Variants in DLGAP2 observed in about 807,000 individuals in gnomAD.
DLGAP2 encodes disks large-associated protein 2.
In DLGAP2, 26 loss-of-function variants were observed where a neutral mutation model predicts 100.3. That is an observed-to-expected ratio of 0.26 (90% CI 0.19 to 0.36). The LOEUF (loss-of-function observed/expected upper bound fraction) is 0.36. DLGAP2 is among the 10% of genes least tolerant of loss of function. DLGAP2 has a pLI of 1.00. For missense variants in DLGAP2, 1,858 were observed against 1,453.2 expected (o/e 1.28, Z -4.53); for synonymous variants, 886 against 630.1 (o/e 1.41, Z -6.08).
rs191754973 is a variant in DLGAP2 at position 1,431,228 on chromosome 8, C to T, written c.107-70138C>T. Among the ~76,000 whole-genome samples the T allele has an allele frequency of 3.3e-5, 5 of 152,280 alleles. No individual in the cohort carries two copies. In the East Asian group the frequency reaches 5.8e-4, roughly 18 times the overall value. ...CGTTAGCAAAAGTTACATTTTCTGT[C>T]AATCTGACACATCATTAGAATCATT... On this transcript the variant is annotated intron_variant, in intron 3 of 14. Transcript: ENST00000637795.
intron 5 of DLGAP2, among the ~76,000 whole-genome samples, chr8:1,552,852 A>G (rs995952499): frequency 2.6e-5 from 4 of 152,196 alleles, no homozygotes; most frequent in Non-Finnish European, 5.9e-5. Flanking sequence ...AAGTAGGTCA[A>G]AACGGAGAAT....
chr8:1,223,623 C>G (rs1254682887), intron 2 of DLGAP2, among the ~76,000 whole-genome samples: 5 of 152,194 alleles, frequency 3.3e-5, no homozygotes, highest in Admixed American at 6.5e-5. Context: ...GCCTTAAACA[C>G]TAGAGACATA....
rs916287739 is a variant in DLGAP2 at position 1,163,041 on chromosome 8, G to A, written c.74-95810G>A. ...GGTGTTTGGTGTAGGACTCCGAGGTGAGGCCCTGGAGTGTGAACGTGGAGT... is the reference window on the plus strand; with the variant it reads ...GGTGTTTGGTGTAGGACTCCGAGGTAAGGCCCTGGAGTGTGAACGTGGAGT... On this transcript the variant is annotated intron_variant, in intron 2 of 14. Coordinates refer to ENST00000637795, the MANE Select transcript of DLGAP2 (RefSeq NM_001346810.2). 2.0e-5 allele frequency among the ~76,000 whole-genome samples: 3 copies of A among 152,120 alleles called. No homozygotes were observed. In the East Asian group the frequency reaches 5.8e-4, roughly 29 times the overall value.
intron 2 of DLGAP2, among the ~76,000 whole-genome samples, chr8:1,232,681 G>T (rs557551672): frequency 3.9e-5 from 6 of 152,328 alleles, no homozygotes; most frequent in African/African-American, 1.4e-4. Flanking sequence ...CTGTAAAGTA[G>T]GCACCCTCCC....
intron 2 of DLGAP2, among the ~76,000 whole-genome samples, chr8:1,202,655 C>T (rs929633030): frequency 2.0e-5 from 3 of 152,128 alleles, no homozygotes; most frequent in Non-Finnish European, 4.4e-5. Flanking sequence ...CCAGGCAATG[C>T]CTCCTTCACC....
chr8:803,468 C>G (rs916722514), intron 1 of DLGAP2, among the ~76,000 whole-genome samples: 4 of 152,112 alleles, frequency 2.6e-5, no homozygotes, highest in African/African-American at 9.7e-5. Flanking sequence ...CACCTCTACT[C>G]TAGCTGCTCC....
chr8:747,486 C>G (rs1463663195), intron 1 of DLGAP2, among the ~76,000 whole-genome samples: 1 of 148,244 alleles, frequency 6.7e-6, no homozygotes, highest in Non-Finnish European at 1.5e-5. Flanking sequence ...AGGCCACGTT[C>G]CAGCCGAGGG....
intron 2 of DLGAP2, among the ~76,000 whole-genome samples, chr8:918,759 G>A (rs540654562): frequency 6.6e-6 from 1 of 152,332 alleles, no homozygotes; most frequent in South Asian, 2.1e-4. Flanking sequence ...TTTAGACATA[G>A]AGGCACGTAG....
chr8:756,653 C>T (rs1019899096), intron 1 of DLGAP2, among the ~76,000 whole-genome samples: 1 of 152,068 alleles, frequency 6.6e-6, no homozygotes, highest in Admixed American at 6.5e-5. Flanking sequence ...ATCGTCTGGT[C>T]AGGCCTCAGC....
intron 1 of DLGAP2, among the ~76,000 whole-genome samples, chr8:905,853 G>A (rs988150233): frequency 1.4e-4 from 19 of 132,472 alleles, no homozygotes; most frequent in African/African-American, 5.4e-4. Flanking sequence ...CATGTCTTGT[G>A]ACCTCTCGCG....
At position 1,311,531 on chromosome 8, in the gene DLGAP2, G is replaced by A. The variant is rs116254874; in HGVS notation, c.106+52648G>A. 8.9e-3 allele frequency among the ~76,000 whole-genome samples: 1,347 copies of A among 152,196 alleles called. 12 individuals are homozygous for A. Among genetic ancestry groups the A allele is most frequent in the African/African-American group, 0.031 (1,284 of 41,514 alleles). On this transcript the variant is annotated intron_variant, in intron 3 of 14. Transcript: ENST00000637795. ...AATGTAGATGCTAAAATTTTCCACA[G>A]AATACCAGCAAACTTAATCCAACAG...
chr8:1,626,360 C>T (rs1258740014), intron 6 of DLGAP2, among the ~76,000 whole-genome samples: 10 of 98,644 alleles, frequency 1.0e-4, no homozygotes, highest in African/African-American at 4.6e-4. Flanking sequence ...TACCCTGCAG[C>T]AGGTGCTCAG....
chr8:1,077,391 T>C (rs1803656087), intron 2 of DLGAP2, among the ~76,000 whole-genome samples: 2 of 152,330 alleles, frequency 1.3e-5, no homozygotes, highest in Admixed American at 6.5e-5. Flanking sequence ...AGTCCCATCA[T>C]ATCCGTGGTT....
intron 6 of DLGAP2, among the ~76,000 whole-genome samples, chr8:1,613,624 C>T (rs545441786): frequency 7.2e-5 from 11 of 152,032 alleles, no homozygotes; most frequent in South Asian, 2.1e-4. Flanking sequence ...AGGACAAGGG[C>T]GATGCCTTCA....
At position 997,408 on chromosome 8, in the gene DLGAP2, CAT is replaced by C. The variant is rs1251280275; in HGVS notation, c.73+89443_73+89444del. Among the ~76,000 whole-genome samples, 9 of 152,248 alleles carry C rather than the reference CAT, an allele frequency of 5.9e-5. No homozygotes were observed. In the South Asian group the frequency reaches 6.2e-4, roughly 11 times the overall value. On this transcript the variant is annotated intron_variant, in intron 2 of 14. Coordinates refer to ENST00000637795, the MANE Select transcript of DLGAP2 (RefSeq NM_001346810.2). ...ATCTTTTTTTAAATGAAAAGATACA[CAT>C]GTTATAAGACATTGAACCAATATAG...
intron 1 of DLGAP2, among the ~76,000 whole-genome samples, chr8:784,802 A>T (rs774869970): frequency 6.6e-6 from 1 of 152,216 alleles, no homozygotes; most frequent in Non-Finnish European, 1.5e-5. Context: ...TGTCATAATT[A>T]ACATGGGAAA....
intron 3 of DLGAP2, among the ~76,000 whole-genome samples, chr8:1,405,340 C>T (rs1424039541): frequency 1.6e-4 from 3 of 18,438 alleles, no homozygotes; most frequent in Non-Finnish European, 2.1e-4. Flanking sequence ...GCTCCCTCAT[C>T]GTCCTCCGGA....
At chr8:803,112 C>G (rs1044035341) in intron 1 of DLGAP2, among the ~76,000 whole-genome samples, 17 of 152,110 alleles carry the variant, frequency 1.1e-4, no homozygotes, top group African/African-American at 4.1e-4. Flanking sequence ...CTCCGTGGCT[C>G]CCACGGCTCC....
rs1239209993 is a variant in DLGAP2 at position 973,397 on chromosome 8, G to A, written c.73+65431G>A. On this transcript the variant is annotated intron_variant, in intron 2 of 14. Coordinates refer to ENST00000637795, the MANE Select transcript of DLGAP2 (RefSeq NM_001346810.2). ...CGGAGGGGCTCCTCACTTCTCAGACGGGGCGGCCGGGCAGAGACGCTCCTC... is the reference window on the plus strand; with the variant it reads ...CGGAGGGGCTCCTCACTTCTCAGACAGGGCGGCCGGGCAGAGACGCTCCTC... 6.1e-4 allele frequency among the ~76,000 whole-genome samples: 92 copies of A among 151,790 alleles called. 1 individual carries two copies. Among genetic ancestry groups the A allele is most frequent in the Admixed American group, 1.3e-3 (20 of 15,270 alleles).
Sources: gnomAD v4.1 joint callset for allele counts (sites outside exome capture counted in the v4.1 genomes callset) on GRCh38, gnomAD v4.1.1 for gene constraint, MANE v1.5 for transcripts, NCBI Gene and HGNC (gene_info 2026-07-23, HGNC 2026-07-21) for gene names.